The following UBL3 variants were observed in gnomAD, a reference collection of about 807,000 sequenced individuals.
UBL3 encodes the protein ubiquitin-like protein 3.
Under a neutral mutation model 18.4 loss-of-function variants are expected in UBL3, and 6 were observed. The observed-to-expected ratio is 0.33, with a 90% confidence interval of 0.18 to 0.64. The LOEUF (loss-of-function observed/expected upper bound fraction) is 0.64, where lower values mean the gene tolerates loss of function less well. Ranked by LOEUF, UBL3 falls within the 30% of genes least tolerant of loss-of-function variation. The pLI, the probability that UBL3 is intolerant of heterozygous loss-of-function variation, is 0.76. For missense variants in UBL3, 109 were observed against 142.9 expected (o/e 0.76, Z 1.21); for synonymous variants, 49 against 46.6 (o/e 1.05, Z -0.21).
At chr13:29,834,501 A>C (rs1293172750) in intron 1 of UBL3, among the ~76,000 whole-genome samples, 3 of 152,306 alleles carry the variant, frequency 2.0e-5, no homozygotes, top group African/African-American at 7.2e-5. Context: ...CACTTAAAGT[A>C]CTTAAGTCCT....
chr13:29,819,102 T>C (rs1400418096), intron 1 of UBL3, among the ~76,000 whole-genome samples: 1 of 152,202 alleles, frequency 6.6e-6, no homozygotes, highest in African/African-American at 2.4e-5. Context: ...CATTACTGTC[T>C]ATGAGGTGAC....
intron 1 of UBL3, among the ~76,000 whole-genome samples, chr13:29,801,666 G>T (rs1877770577): frequency 6.6e-6 from 1 of 152,170 alleles, no homozygotes; most frequent in African/African-American, 2.4e-5. Flanking sequence ...TCGGACCGGG[G>T]AAGGAGTGAA....
intron 1 of UBL3, among the ~76,000 whole-genome samples, chr13:29,815,569 C>T (rs545457113): frequency 3.0e-4 from 46 of 152,170 alleles, no homozygotes; most frequent in Non-Finnish European, 5.9e-4. Context: ...TGTTGCTCTT[C>T]TGAATGCCAC....
intron 1 of UBL3, among the ~76,000 whole-genome samples, chr13:29,821,753 T>G (rs1441279352): frequency 6.6e-6 from 1 of 152,214 alleles, no homozygotes; most frequent in Non-Finnish European, 1.5e-5. Context: ...TTTTACTAAT[T>G]TTCTGTAAGT....
intron 1 of UBL3, among the ~76,000 whole-genome samples, chr13:29,780,780 A>G (rs1333590167): frequency 2.0e-5 from 3 of 152,178 alleles, no homozygotes; most frequent in Non-Finnish European, 4.4e-5. Flanking sequence ...CATTCCATAT[A>G]AAGAGATCAG....
chr13:29,827,042 C>A (rs2761929), intron 1 of UBL3, among the ~76,000 whole-genome samples: 15,523 of 152,134 alleles, frequency 0.1, 967 homozygotes, highest in African/African-American at 0.17. Context: ...GCACTGTGGT[C>A]TGAGAGACAG....
At position 29,765,172 on chromosome 13, in the gene UBL3, TCTTA is replaced by T. The variant is rs1876643723; in HGVS notation, c.*2079_*2082del. ...ATTTTTAACCATCATAAAAACTCAA[TCTTA>T]ATTAACTGATAGTCTTTAACTTAAA... On this transcript the variant is annotated 3_prime_UTR_variant, in exon 5 of 5. Coordinates refer to ENST00000380680, the MANE Select transcript of UBL3 (RefSeq NM_007106.4). The T allele has an allele frequency of 6.6e-6, 1 of 152,094 alleles. No homozygotes were observed. Among genetic ancestry groups the T allele is most frequent in the Non-Finnish European group, 1.5e-5 (1 of 68,000 alleles). 9.4% of individuals were successfully genotyped at this position (152,094 alleles called of 1,614,324 possible).
At chr13:29,779,274 T>C in intron 1 of UBL3, 1 of 498,750 alleles carries the variant, frequency 2.0e-6, no homozygotes. Flanking sequence ...TTTCTCTTAA[T>C]GTATGAATAA....
intron 1 of UBL3, among the ~76,000 whole-genome samples, chr13:29,800,114 G>A (rs1052068808): frequency 2.6e-5 from 4 of 152,144 alleles, no homozygotes; most frequent in Non-Finnish European, 4.4e-5. Flanking sequence ...ATTCCTTTTC[G>A]AGCTTATATT....
chr13:29,835,478 G>GTAATCC (rs1193355323), intron 1 of UBL3, among the ~76,000 whole-genome samples: 1 of 150,096 alleles, frequency 6.7e-6, no homozygotes, highest in Admixed American at 6.6e-5. Context: ...GCTCACGCCT[G>GTAATCC]TAATCCTAGT....
intron 1 of UBL3, among the ~76,000 whole-genome samples, chr13:29,814,704 C>T (rs1250580603): frequency 3.3e-5 from 5 of 152,116 alleles, no homozygotes; most frequent in African/African-American, 4.8e-5. Context: ...ATGACCTAGG[C>T]GGGCTGCTGT....
Position 29,821,545 on chromosome 13 carries a change from T to C in UBL3, c.27+27967A>G, listed in dbSNP as rs150179032. ...GATCGGGCTACTACTGCATTCCAGA[T>C]ACTAAATGTCACTGGAACATGAAGA... On this transcript the variant is annotated intron_variant, in intron 1 of 4. Transcript: ENST00000380680. Among the ~76,000 whole-genome samples the C allele has an allele frequency of 5.7e-3, 868 of 152,300 alleles. 3 individuals carry two copies. The highest frequency in any genetic ancestry group is 0.01 in the Non-Finnish European group (689 of 68,018).
intron 1 of UBL3, among the ~76,000 whole-genome samples, chr13:29,843,718 A>C (rs1380797293): frequency 6.6e-6 from 1 of 152,212 alleles, no homozygotes; most frequent in Admixed American, 6.5e-5. Flanking sequence ...AGTCAATTAA[A>C]ATTCATTGTA....
chr13:29,828,677 G>A (rs776728728), intron 1 of UBL3, among the ~76,000 whole-genome samples: 26 of 152,148 alleles, frequency 1.7e-4, no homozygotes, highest in African/African-American at 4.1e-4. Context: ...CTCTCAACTC[G>A]TCAAAGTCAT....
Position 29,840,856 on chromosome 13 carries a change from A to G in UBL3, c.27+8656T>C, listed in dbSNP as rs568142767. 3.3e-5 allele frequency among the ~76,000 whole-genome samples: 5 copies of G among 152,328 alleles called. No homozygotes were observed. In the East Asian group the frequency reaches 9.6e-4, roughly 29 times the overall value. On this transcript the variant is annotated intron_variant, in intron 1 of 4. Coordinates refer to ENST00000380680, the MANE Select transcript of UBL3 (RefSeq NM_007106.4). ...GGAATTCGCTAAATAATTTATATAC[A>G]TCTATCATAATCGGTTCAAAATTAT...
intron 1 of UBL3, among the ~76,000 whole-genome samples, chr13:29,789,253 T>C (rs1877423720): frequency 6.6e-6 from 1 of 152,188 alleles, no homozygotes; most frequent in Non-Finnish European, 1.5e-5. Context: ...AAAAGAGTTC[T>C]GGAGACAGAT....
In UBL3 at chr13:29,827,525, T is replaced by A. The variant is rs531001125; in HGVS notation, c.27+21987A>T. Reference sequence around the variant, plus strand: ...ACCCCTGCATTTTTTTGTTTTCTATTTGCTTGGCAGATCTTCCTCCATCCC... The same window carrying A: ...ACCCCTGCATTTTTTTGTTTTCTATATGCTTGGCAGATCTTCCTCCATCCC... On this transcript the variant is annotated intron_variant, in intron 1 of 4. Coordinates refer to ENST00000380680, the MANE Select transcript of UBL3 (RefSeq NM_007106.4). 1.6e-4 allele frequency among the ~76,000 whole-genome samples: 24 copies of A among 152,316 alleles called. No homozygotes were observed. The South Asian group carries it at 2.5e-3, about 16-fold the overall frequency.
intron 1 of UBL3, among the ~76,000 whole-genome samples, chr13:29,815,059 A>C (rs1878233371): frequency 6.6e-6 from 1 of 152,128 alleles, no homozygotes; most frequent in Non-Finnish European, 1.5e-5. Flanking sequence ...GATTATTATT[A>C]CTGTGTTAGT....
At chr13:29,831,695 T>C (rs1878777524) in intron 1 of UBL3, among the ~76,000 whole-genome samples, 2 of 150,190 alleles carry the variant, frequency 1.3e-5, no homozygotes, top group South Asian at 4.2e-4. Flanking sequence ...TGATGACAGC[T>C]TACTTAATGA....
Sources: allele counts gnomAD v4.1 joint callset (sites outside exome capture counted in the v4.1 genomes callset), GRCh38; gene constraint gnomAD v4.1.1; transcripts MANE v1.5; gene names NCBI Gene and HGNC (gene_info 2026-07-23, HGNC 2026-07-21).